The following CAMK1D variants were observed in gnomAD, a reference collection of about 807,000 sequenced individuals.
CAMK1D encodes calcium/calmodulin-dependent protein kinase type 1D.
A neutral mutation model predicts 47.7 loss-of-function variants in CAMK1D; 9 were observed. The ratio of observed to expected loss-of-function variants is 0.19; its 90% CI spans 0.11 to 0.33. CAMK1D has a LOEUF of 0.33. Ranked by LOEUF, CAMK1D falls within the 10% of genes least tolerant of loss-of-function variation. The pLI is 1.00. For synonymous variants in CAMK1D, 184 were observed against 184.9 expected (o/e 0.99, Z 0.04); for missense variants, 291 against 488.7 (o/e 0.60, Z 3.81).
At chr10:12,424,540 G>A (rs1469465444) in intron 1 of CAMK1D, among the ~76,000 whole-genome samples, 1 of 152,114 alleles carries the variant, frequency 6.6e-6, no homozygotes, top group Non-Finnish European at 1.5e-5. Flanking sequence ...CTCCAGCAGC[G>A]CCTTTGCTGG....
intron 3 of CAMK1D, among the ~76,000 whole-genome samples, chr10:12,715,988 G>A (rs1052085399): frequency 2.0e-5 from 3 of 151,998 alleles, no homozygotes; most frequent in African/African-American, 7.2e-5. Flanking sequence ...TAGGATTACA[G>A]GTGTGAGCCA....
At chr10:12,546,859 A>G (rs767095960) in intron 1 of CAMK1D, among the ~76,000 whole-genome samples, 2 of 152,076 alleles carry the variant, frequency 1.3e-5, no homozygotes, top group Non-Finnish European at 2.9e-5. Flanking sequence ...CCTAATGCTA[A>G]ATGACGAGTT....
chr10:12,777,664 A>C (rs959386446), intron 5 of CAMK1D, among the ~76,000 whole-genome samples: 7 of 152,204 alleles, frequency 4.6e-5, no homozygotes, highest in Admixed American at 1.3e-4. Flanking sequence ...GTGAGCCACC[A>C]TTCCTGGCCC....
rs139873412 is a variant in CAMK1D, at chr10:12,676,287, C to T, written c.299+9477C>T. On this transcript the variant is annotated intron_variant, in intron 3 of 10. Coordinates refer to ENST00000619168, the MANE Select transcript of CAMK1D (RefSeq NM_153498.4). Reference sequence around the variant, plus strand: ...TTATCTTAATGCTATCATGGAATAACGGAAATATGAGAATTTCTGCCAAAT... The same window carrying T: ...TTATCTTAATGCTATCATGGAATAATGGAAATATGAGAATTTCTGCCAAAT... Among the ~76,000 whole-genome samples the T allele has an allele frequency of 2.4e-3, 371 of 152,262 alleles. 2 individuals carry two copies. The highest frequency in any genetic ancestry group is 8.2e-3 in the African/African-American group (340 of 41,550).
intron 3 of CAMK1D, among the ~76,000 whole-genome samples, chr10:12,706,901 AT>A (rs1158883241): frequency 0.014 from 2,201 of 152,308 alleles, 41 homozygotes; most frequent in African/African-American, 0.05. Flanking sequence ...GGAAACAGAT[AT>A]ATCAGCATGA....
At chr10:12,435,656 C>A (rs1178168236) in intron 1 of CAMK1D, among the ~76,000 whole-genome samples, 1 of 152,152 alleles carries the variant, frequency 6.6e-6, no homozygotes, top group East Asian at 1.9e-4. Flanking sequence ...CACTCTCCTA[C>A]CCTTTAATAC....
intron 2 of CAMK1D, among the ~76,000 whole-genome samples, chr10:12,641,839 G>A (rs1329130608): frequency 1.3e-5 from 2 of 151,554 alleles, no homozygotes; most frequent in East Asian, 3.9e-4. Flanking sequence ...GAGGCCAGGG[G>A]TTTGAGACCA....
At chr10:12,454,016 A>T (rs529761522) in intron 1 of CAMK1D, among the ~76,000 whole-genome samples, 3 of 151,654 alleles carry the variant, frequency 2.0e-5, no homozygotes, top group South Asian at 2.1e-4. Context: ...GGCTGTTGAA[A>T]CCCTTCCCCT....
chr10:12,601,705 G>A (rs150988631), intron 2 of CAMK1D, among the ~76,000 whole-genome samples: 2,372 of 152,190 alleles, frequency 0.016, 54 homozygotes, highest in African/African-American at 0.054. Flanking sequence ...TTCGTGATCC[G>A]CCCGCCTCGG....
At chr10:12,728,507 G>C (rs1368802754) in intron 3 of CAMK1D, among the ~76,000 whole-genome samples, 3 of 152,126 alleles carry the variant, frequency 2.0e-5, no homozygotes, top group African/African-American at 7.2e-5. Context: ...TAAGTGGTCT[G>C]ACGGGATCTG....
intron 2 of CAMK1D, among the ~76,000 whole-genome samples, chr10:12,578,303 T>C (rs1317402274): frequency 2.6e-5 from 4 of 152,080 alleles, no homozygotes. Flanking sequence ...CCCAGGACTT[T>C]GGAAGGCTTA....
chr10:12,519,106 C>T (rs1186744978), intron 1 of CAMK1D, among the ~76,000 whole-genome samples: 19 of 96,378 alleles, frequency 2.0e-4, no homozygotes, highest in African/African-American at 6.8e-4. Context: ...GGCGGCTGGC[C>T]GGGCGGGGGG....
chr10:12,688,935 G>A (rs946950866), intron 3 of CAMK1D, among the ~76,000 whole-genome samples: 7 of 152,182 alleles, frequency 4.6e-5, no homozygotes, highest in Admixed American at 2.0e-4. Context: ...CACCTGCCTC[G>A]GCCTCCCAAA....
intron 1 of CAMK1D, among the ~76,000 whole-genome samples, chr10:12,522,416 C>T (rs1588586532): frequency 8.6e-6 from 1 of 115,774 alleles, no homozygotes; most frequent in South Asian, 3.4e-4. Flanking sequence ...AGCATGCTGC[C>T]TTCAAGCATC....
intron 1 of CAMK1D, among the ~76,000 whole-genome samples, chr10:12,451,429 C>T (rs980505698): frequency 6.6e-6 from 1 of 152,190 alleles, no homozygotes; most frequent in Non-Finnish European, 1.5e-5. Flanking sequence ...TGGGAACCTG[C>T]TCCATCTTCA....
At chr10:12,440,968 A>G (rs1054188992) in intron 1 of CAMK1D, among the ~76,000 whole-genome samples, 2 of 152,240 alleles carry the variant, frequency 1.3e-5, no homozygotes, top group African/African-American at 2.4e-5. Context: ...CTTGCCTGAA[A>G]GTCGGTCATA....
rs147432273 is a variant in CAMK1D at position 12,739,568 on chromosome 10, A to G, written c.300-21380A>G. ...CCTCCCAAAATGCTGGGATTACATG[A>G]GTGAGCCACCGCACCCGGCTGAGAT... On this transcript the variant is annotated intron_variant, in intron 3 of 10. Coordinates refer to ENST00000619168, the MANE Select transcript of CAMK1D (RefSeq NM_153498.4). 2.6e-3 allele frequency among the ~76,000 whole-genome samples: 397 copies of G among 151,306 alleles called. 4 individuals are homozygous for G. The East Asian group carries it at 0.035, about 13-fold the overall frequency.
intron 1 of CAMK1D, among the ~76,000 whole-genome samples, chr10:12,445,091 T>G (rs1832889753): frequency 1.3e-5 from 2 of 152,228 alleles, no homozygotes; most frequent in Non-Finnish European, 1.5e-5. Flanking sequence ...AGGCTGGAAT[T>G]TGGTATCTTA....
At chr10:12,509,031 G>A (rs769871466) in intron 1 of CAMK1D, among the ~76,000 whole-genome samples, 3 of 152,188 alleles carry the variant, frequency 2.0e-5, no homozygotes, top group Non-Finnish European at 4.4e-5. Context: ...AAATCACCTT[G>A]GAGAGGGGAT....
Sources: allele counts gnomAD v4.1 joint callset (sites outside exome capture counted in the v4.1 genomes callset), GRCh38; gene constraint gnomAD v4.1.1; transcripts MANE v1.5; gene names NCBI Gene and HGNC (gene_info 2026-07-23, HGNC 2026-07-21).